Variants in ATP6V1C1 observed in about 807,000 individuals in gnomAD.
The protein encoded by ATP6V1C1 is ATPase H+ transporting V1 subunit C1.
Under a neutral mutation model 53.9 loss-of-function variants are expected in ATP6V1C1, and 45 were observed. That is an observed-to-expected ratio of 0.83 (90% CI 0.66 to 1.07). The LOEUF is 1.07. ATP6V1C1 is among the 50% of genes least tolerant of loss of function. ATP6V1C1 has a pLI of 0.00. For synonymous variants in ATP6V1C1, 153 were observed against 155.2 expected, an observed-to-expected ratio of 0.99 and a Z score of 0.11; for missense variants, 315 against 440.3, an observed-to-expected ratio of 0.72 and a Z score of 2.55.
In ATP6V1C1 at chr8:103,055,926, A is replaced by T; in HGVS notation, c.631A>T (p.Arg211Trp). The T allele has an allele frequency of 6.2e-7, 1 of 1,611,782 alleles. No homozygotes were observed. The highest frequency in any genetic ancestry group is 8.5e-7 in the Non-Finnish European group (1 of 1,178,238). ...AACACTAGCCGAAATGGTAGTTCCA[A>T]GGTCTAGCAAGTAAGTAGAAGTCTT... ...YETLAEMVVP[R>W]SSNVLSEDQD... The change falls in exon 8 of 13, where the codon AGG becomes TGG. Residue 211 changes from arginine to tryptophan, a missense_variant. Arg to Trp is a moderately radical substitution (Grantham distance 101). Coordinates refer to ENST00000518738, the MANE Select transcript of ATP6V1C1 (RefSeq NM_001695.5).
intron 12 of ATP6V1C1, 36 bp downstream of exon 12, chr8:103,066,483 AGT>A: frequency 6.7e-7 from 1 of 1,502,286 alleles, no homozygotes; most frequent in Non-Finnish European, 8.9e-7. Context: ...TAAGAATTGA[AGT>A]GAATTTCAGA....
At chr8:103,046,285 C>T (rs1817095465) in intron 3 of ATP6V1C1, among the ~76,000 whole-genome samples, 1 of 152,050 alleles carries the variant, frequency 6.6e-6, no homozygotes, top group South Asian at 2.1e-4. Flanking sequence ...TAGCTCATTG[C>T]ATCCTGGAAC....
At chr8:103,066,916 A>G (rs1224187911) in intron 12 of ATP6V1C1, among the ~76,000 whole-genome samples, 1 of 151,808 alleles carries the variant, frequency 6.6e-6, no homozygotes, top group Admixed American at 6.6e-5. Flanking sequence ...AGGCGGGAGG[A>G]TCACTTGAGC....
intron 12 of ATP6V1C1, among the ~76,000 whole-genome samples, chr8:103,067,867 G>A (rs1013194577): frequency 6.6e-6 from 1 of 152,134 alleles, no homozygotes; most frequent in East Asian, 1.9e-4. Context: ...TTACAGGCGT[G>A]AGCCACCTTG....
At position 103,048,743 on chromosome 8, in the gene ATP6V1C1, G is replaced by T. The variant is rs1457396227; in HGVS notation, c.201-127G>T. 2.1e-5 allele frequency: 15 copies of T among 709,812 alleles called. No individual in the cohort carries two copies. In the Admixed American group the frequency reaches 3.7e-4, roughly 17 times the overall value. The allele number at this position is 709,812 out of a possible 1,614,324, so 44.0% of individuals were successfully genotyped here. On this transcript the variant is annotated intron_variant, in intron 3 of 12. Transcript: ENST00000518738. ...TTATAAGGTAAGATCCATTTATTGT[G>T]TATTATATGGATAGGTATAATGGGA...
At chr8:103,023,350 C>T (rs1279467154) in intron 1 of ATP6V1C1, among the ~76,000 whole-genome samples, 2 of 149,926 alleles carry the variant, frequency 1.3e-5, no homozygotes, top group African/African-American at 2.5e-5. Context: ...GGGAGACCCG[C>T]TCAGGGGAAC....
At chr8:103,043,973 C>G (rs1178375252) in intron 3 of ATP6V1C1, among the ~76,000 whole-genome samples, 1 of 152,204 alleles carries the variant, frequency 6.6e-6, no homozygotes, top group Non-Finnish European at 1.5e-5. Context: ...ACTGCAGCCT[C>G]CGCCTCCTGG....
At chr8:103,038,746 TAG>T (rs1816942488) in intron 1 of ATP6V1C1, among the ~76,000 whole-genome samples, 1 of 152,230 alleles carries the variant, frequency 6.6e-6, no homozygotes, top group South Asian at 2.1e-4. Flanking sequence ...GATAGTATAA[TAG>T]CCTTAAAGTT....
At chr8:103,052,596 TA>T in intron 5 of ATP6V1C1, 134 bp from the exon 6 acceptor site, 1 of 417,116 alleles carries the variant, frequency 2.4e-6, no homozygotes, top group Non-Finnish European at 4.2e-6. Flanking sequence ...GTCGTGCTTT[TA>T]AAATAATAGA....
intron 2 of ATP6V1C1, among the ~76,000 whole-genome samples, chr8:103,041,883 T>C (rs1817007474): frequency 6.6e-6 from 1 of 152,072 alleles, no homozygotes; most frequent in African/African-American, 2.4e-5. Context: ...AAAATATAAA[T>C]AATAAATGCA....
chr8:103,022,078 C>T lies in ATP6V1C1; in HGVS notation c.-40+853C>T, dbSNP rs150198896. 4.7e-3 allele frequency among the ~76,000 whole-genome samples: 719 copies of T among 151,800 alleles called. 9 individuals carry two copies. The highest frequency in any genetic ancestry group is 0.031 in the Middle Eastern group (9 of 294). On this transcript the variant is annotated intron_variant, in intron 1 of 12. Coordinates refer to ENST00000518738, the MANE Select transcript of ATP6V1C1 (RefSeq NM_001695.5). ...TCTACACACAGGACACGTTAAAATA[C>T]GATGCAGTTTATGTATACTTACCAA... is the stretch of plus-strand genomic sequence containing the variant.
intron 7 of ATP6V1C1, among the ~76,000 whole-genome samples, chr8:103,054,993 G>T (rs186431982): frequency 1.3e-5 from 2 of 151,946 alleles, no homozygotes; most frequent in African/African-American, 4.8e-5. Context: ...AAAAATTTTG[G>T]ATTTTTCTTT....
In ATP6V1C1 at chr8:103,070,865, T is replaced by A. The variant is rs796843959; in HGVS notation, c.*2118T>A. The A allele has an allele frequency of 9.2e-5, 14 of 152,326 alleles. No individual in the cohort carries two copies. Among genetic ancestry groups the A allele is most frequent in the African/African-American group, 3.4e-4 (14 of 41,546 alleles). The allele number at this position is 152,326 out of a possible 1,614,324, so 9.4% of individuals were successfully genotyped here. On this transcript the variant is annotated 3_prime_UTR_variant, in exon 13 of 13. Transcript: ENST00000518738. ...GGGCAGAGTGGTCTCCGAGTTCCAGTCCCTCCTCTGTAAAATGGGCATGAT... is the reference window on the plus strand; with the variant it reads ...GGGCAGAGTGGTCTCCGAGTTCCAGACCCTCCTCTGTAAAATGGGCATGAT...
rs149338340 is a variant in ATP6V1C1 at position 103,048,966 on chromosome 8, G to C, written c.286+11G>C. On this transcript the variant is annotated intron_variant, in intron 4 of 12. Coordinates refer to ENST00000518738, the MANE Select transcript of ATP6V1C1 (RefSeq NM_001695.5). ...TGTTGGCTAATGGAGGTAAGCTAAT[G>C]CTCATGATTGATCATTATTAACTCA... is the stretch of plus-strand genomic sequence containing the variant. 425 of 1,607,082 alleles carry C rather than the reference G, an allele frequency of 2.6e-4. 1 individual carries two copies. The African/African-American group carries it at 5.0e-3, about 19-fold the overall frequency.
At chr8:103,028,122 G>T (rs548671031) in intron 1 of ATP6V1C1, among the ~76,000 whole-genome samples, 1 of 152,312 alleles carries the variant, frequency 6.6e-6, no homozygotes, top group South Asian at 2.1e-4. Context: ...GGGAGAAGTA[G>T]TGGGATTATA....
chr8:103,054,968 T>C (rs757071264), intron 7 of ATP6V1C1, among the ~76,000 whole-genome samples: 1 of 152,122 alleles, frequency 6.6e-6, no homozygotes, highest in South Asian at 2.1e-4. Context: ...TTCCCCTTTA[T>C]TGCAGTATGC....
intron 5 of ATP6V1C1, among the ~76,000 whole-genome samples, chr8:103,051,825 G>A (rs1817205475): frequency 6.6e-6 from 1 of 152,032 alleles, no homozygotes; most frequent in Non-Finnish European, 1.5e-5. Context: ...AATAGACAAG[G>A]ACCTGTTAAT....
intron 1 of ATP6V1C1, among the ~76,000 whole-genome samples, chr8:103,031,461 G>C (rs950878586): frequency 1.3e-5 from 2 of 152,176 alleles, no homozygotes; most frequent in East Asian, 1.9e-4. Flanking sequence ...AGAGGGGAAG[G>C]GGAGCAGGAG....
chr8:103,068,269 T>C (rs1817529159), intron 12 of ATP6V1C1, among the ~76,000 whole-genome samples: 1 of 152,282 alleles, frequency 6.6e-6, no homozygotes, highest in Non-Finnish European at 1.5e-5. Flanking sequence ...GTATTACTTA[T>C]AAATCATACT....
Sources: gnomAD v4.1 joint callset for allele counts (sites outside exome capture counted in the v4.1 genomes callset) on GRCh38, gnomAD v4.1.1 for gene constraint, MANE v1.5 for transcripts, NCBI Gene and HGNC (gene_info 2026-07-23, HGNC 2026-07-21) for gene names.